Variants in PEDS1 observed in about 807,000 individuals in gnomAD.
PEDS1 encodes CarF homolog.
In PEDS1, 14 loss-of-function variants were observed where a neutral mutation model predicts 35.2. That is an observed-to-expected ratio of 0.40 (90% confidence interval 0.26 to 0.62). PEDS1 has a LOEUF of 0.62. Ranked by LOEUF, PEDS1 falls within the 20% of genes least tolerant of loss-of-function variation. The pLI, the probability that PEDS1 is intolerant of heterozygous loss-of-function variation, is 0.44. For synonymous variants in PEDS1, 152 were observed against 152.0 expected (o/e 1.00, Z 0.00); for missense variants, 260 against 367.8 (o/e 0.71, Z 2.40).
intron 1 of PEDS1, among the ~76,000 whole-genome samples, chr20:50,151,706 A>C (rs1260263889): frequency 3.3e-5 from 5 of 152,128 alleles, no homozygotes; most frequent in African/African-American, 1.2e-4. Flanking sequence ...GAAAATACAG[A>C]AAATTAGCCG....
intron 2 of PEDS1, among the ~76,000 whole-genome samples, chr20:50,132,765 T>C (rs1252085794): frequency 6.6e-6 from 1 of 152,198 alleles, no homozygotes; most frequent in Non-Finnish European, 1.5e-5. Flanking sequence ...CACTACTAAG[T>C]GCAGTGTTTG....
At chr20:50,143,430 A>T in intron 2 of PEDS1, 72 bp downstream of exon 2, 1 of 1,550,476 alleles carries the variant, frequency 6.4e-7, no homozygotes, top group South Asian at 1.2e-5. Context: ...GGACACACAC[A>T]CGCGCCAGTT....
rs140290503 is a variant in PEDS1 at position 50,137,758 on chromosome 20, C to T, written c.241+5744G>A. On this transcript the variant is annotated intron_variant, in intron 2 of 5. Transcript: ENST00000371652. ...TGCTGGCGCGCGCTTGTAGTCCCAG[C>T]TACTCGGGAGGCTGAGGCAGAAGAA... Among the ~76,000 whole-genome samples, 231 of 152,324 alleles carry T rather than the reference C, an allele frequency of 1.5e-3. 1 individual carries two copies. Among genetic ancestry groups the T allele is most frequent in the African/African-American group, 5.3e-3 (222 of 41,566 alleles).
intron 2 of PEDS1, 92 bp downstream of exon 2, chr20:50,143,410 C>A: frequency 6.6e-7 from 1 of 1,525,292 alleles, no homozygotes; most frequent in Non-Finnish European, 8.8e-7. Context: ...GCACACACAT[C>A]CATGCATGTG....
chr20:50,126,013 CCAT>C (rs2081099517), intron 5 of PEDS1, among the ~76,000 whole-genome samples: 1 of 152,126 alleles, frequency 6.6e-6, no homozygotes, highest in Admixed American at 6.5e-5. Context: ...GCGTGAACCA[CCAT>C]GACAGGCCAC....
chr20:50,132,119 G>A, intron 2 of PEDS1, among the ~76,000 whole-genome samples: 1 of 152,096 alleles, frequency 6.6e-6, no homozygotes, highest in East Asian at 1.9e-4. Flanking sequence ...CAGGAGAATG[G>A]CTTGAGCCCG....
intron 2 of PEDS1, among the ~76,000 whole-genome samples, chr20:50,140,593 C>G (rs1005585644): frequency 7.3e-6 from 1 of 137,526 alleles, no homozygotes; most frequent in Non-Finnish European, 1.6e-5. Context: ...GATCTCTGCA[C>G]GGCCCCTCCC....
chr20:50,134,178 T>C (rs1367098291), intron 2 of PEDS1, among the ~76,000 whole-genome samples: 5 of 152,244 alleles, frequency 3.3e-5, no homozygotes, highest in Admixed American at 2.6e-4. Context: ...TGAGGTCAAC[T>C]GAGGTATCTC....
Position 50,128,401 on chromosome 20 carries a change from G to A in PEDS1, c.479-214C>T, listed in dbSNP as rs1425552066. On this transcript the variant is annotated intron_variant, in intron 4 of 5. Transcript: ENST00000371652. This position sits in a 1 kb window ranked among gnomAD's most constrained non-coding sequence, Gnocchi z 5.2. Reference sequence around the variant, plus strand: ...AGGAAGCAGGCGTAATGGTGTAATAGGATAATGGCATAAGCATGGCAATGG... The same window carrying A: ...AGGAAGCAGGCGTAATGGTGTAATAAGATAATGGCATAAGCATGGCAATGG... 3.3e-5 allele frequency among the ~76,000 whole-genome samples: 5 copies of A among 152,222 alleles called. No homozygotes were observed. The highest frequency in any genetic ancestry group is 1.2e-4 in the African/African-American group (5 of 41,458).
At position 50,129,222 on chromosome 20, in the gene PEDS1, T is replaced by G. The variant is rs1400840975; in HGVS notation, c.478+324A>C. On this transcript the variant is annotated intron_variant, in intron 4 of 5. Coordinates refer to ENST00000371652, the MANE Select transcript of PEDS1 (RefSeq NM_199129.4). This position sits in a 1 kb window ranked among gnomAD's most constrained non-coding sequence, Gnocchi z 4.2. ...AGGCAGGTAACACAAATGAACAAGGTGGGTTGGGTGCAGGGAAGCAAGGAA... is the reference window on the plus strand; with the variant it reads ...AGGCAGGTAACACAAATGAACAAGGGGGGTTGGGTGCAGGGAAGCAAGGAA... Among the ~76,000 whole-genome samples, 1 of 151,404 alleles carries G rather than the reference T, an allele frequency of 6.6e-6. No homozygotes were observed. Among genetic ancestry groups the G allele is most frequent in the Non-Finnish European group, 1.5e-5 (1 of 67,832 alleles).
chr20:50,137,162 G>A (rs2081245105), intron 2 of PEDS1, among the ~76,000 whole-genome samples: 1 of 152,164 alleles, frequency 6.6e-6, no homozygotes, highest in African/African-American at 2.4e-5. Context: ...GAGCTCCCAT[G>A]CTCAAGCGAC....
At chr20:50,132,799 T>C (rs2081193465) in intron 2 of PEDS1, among the ~76,000 whole-genome samples, 1 of 152,154 alleles carries the variant, frequency 6.6e-6, no homozygotes, top group African/African-American at 2.4e-5. Context: ...CCTCAGGCCA[T>C]ATTACTGTTG....
At chr20:50,150,012 A>G (rs997828753) in intron 1 of PEDS1, among the ~76,000 whole-genome samples, 3 of 152,210 alleles carry the variant, frequency 2.0e-5, no homozygotes, top group Admixed American at 6.5e-5. Flanking sequence ...AAATAGGTTC[A>G]GTCCCTGTCC....
chr20:50,131,729 C>T lies in PEDS1; in HGVS notation c.242-782G>A, dbSNP rs6091101. Reference sequence around the variant, plus strand: ...AACATGATCATTTGGTCTCCAGCAGCCTTTTCCTTGTTTCTGTTCTCAATC... The same window carrying T: ...AACATGATCATTTGGTCTCCAGCAGTCTTTTCCTTGTTTCTGTTCTCAATC... On this transcript the variant is annotated intron_variant, in intron 2 of 5. Coordinates refer to ENST00000371652, the MANE Select transcript of PEDS1 (RefSeq NM_199129.4). Among the ~76,000 whole-genome samples the T allele has an allele frequency of 4.1e-3, 614 of 150,458 alleles. 4 individuals carry two copies. Among genetic ancestry groups the T allele is most frequent in the African/African-American group, 0.014 (573 of 40,832 alleles).
chr20:50,130,110 C>A (rs1277012572), intron 3 of PEDS1, among the ~76,000 whole-genome samples: 2 of 152,162 alleles, frequency 1.3e-5, no homozygotes, highest in Non-Finnish European at 2.9e-5. Flanking sequence ...GCTGACCTCG[C>A]CCCGGGCTGA....
At chr20:50,147,108 T>C (rs142501008) in intron 1 of PEDS1, among the ~76,000 whole-genome samples, 1 of 152,086 alleles carries the variant, frequency 6.6e-6, no homozygotes, top group East Asian at 1.9e-4. Context: ...AACTGCAACA[T>C]GATCAAATAA....
intron 1 of PEDS1, among the ~76,000 whole-genome samples, chr20:50,147,495 C>T (rs1411239057): frequency 1.3e-5 from 2 of 152,110 alleles, no homozygotes; most frequent in Non-Finnish European, 2.9e-5. Context: ...AGTATCAGCC[C>T]GTCAAGGAAG....
Position 50,122,749 on chromosome 20 carries a change from A to C in PEDS1, c.*2309T>G, listed in dbSNP as rs568070829. 1 of 152,240 alleles carries C rather than the reference A, an allele frequency of 6.6e-6. No homozygotes were observed. Among genetic ancestry groups the C allele is most frequent in the Admixed American group, 6.5e-5 (1 of 15,292 alleles). 9.4% of individuals were successfully genotyped at this position (152,240 alleles called of 1,614,324 possible). ...CGTTCACTACAGAATCGCAGTACCT[A>C]GTTCATAGGAGATGCCTTATAATTA... On this transcript the variant is annotated 3_prime_UTR_variant, in exon 6 of 6. Coordinates refer to ENST00000371652, the MANE Select transcript of PEDS1 (RefSeq NM_199129.4).
intron 2 of PEDS1, among the ~76,000 whole-genome samples, chr20:50,138,453 G>T (rs2081258291): frequency 6.6e-6 from 1 of 152,216 alleles, no homozygotes; most frequent in Non-Finnish European, 1.5e-5. Context: ...GGGCTGCTGG[G>T]TAAAGGGCCC....
Sources: allele counts gnomAD v4.1 joint callset (sites outside exome capture counted in the v4.1 genomes callset), GRCh38; gene constraint gnomAD v4.1.1; non-coding constraint Gnocchi (gnomAD v3.1); transcripts MANE v1.5; gene names NCBI Gene and HGNC (gene_info 2026-07-23, HGNC 2026-07-21).